C8orf34: variants seen among roughly 807,000 people sequenced by gnomAD.
The protein encoded by C8orf34 is uncharacterized protein C8orf34.
A neutral mutation model predicts 68.3 loss-of-function variants in C8orf34; 65 were observed. That is an observed-to-expected ratio of 0.95 (90% CI 0.78 to 1.17). C8orf34 has a LOEUF of 1.17. C8orf34 is among the 50% of genes most tolerant of loss of function. The pLI is 0.00. For missense variants in C8orf34, 664 were observed against 655.4 expected (o/e 1.01, Z -0.14); for synonymous variants, 244 against 241.2 (o/e 1.01, Z -0.11).
At chr8:68,381,933 T>G (rs1486115983) in intron 1 of C8orf34, among the ~76,000 whole-genome samples, 2 of 152,266 alleles carry the variant, frequency 1.3e-5, no homozygotes, top group African/African-American at 4.8e-5. Flanking sequence ...GTTAACATTT[T>G]GATACATATT....
intron 8 of C8orf34, among the ~76,000 whole-genome samples, chr8:68,664,768 G>A (rs1288281626): frequency 6.6e-6 from 1 of 152,132 alleles, no homozygotes; most frequent in Non-Finnish European, 1.5e-5. Context: ...CAGCAAGTCT[G>A]GCTGCATTCA....
At chr8:68,418,463 C>T (rs1432929983) in intron 1 of C8orf34, among the ~76,000 whole-genome samples, 7 of 151,946 alleles carry the variant, frequency 4.6e-5, no homozygotes, top group East Asian at 1.9e-4. Flanking sequence ...TTTTGAAATA[C>T]GTCCCATCAA....
chr8:68,762,754 G>A (rs544309801), intron 10 of C8orf34, among the ~76,000 whole-genome samples: 1 of 152,224 alleles, frequency 6.6e-6, no homozygotes, highest in South Asian at 2.1e-4. Context: ...GCCTTCTCAG[G>A]GTCTCAAAGT....
At position 68,752,987 on chromosome 8, in the gene C8orf34, G is replaced by A. The variant is rs1000808072; in HGVS notation, c.1405-23412G>A. On this transcript the variant is annotated intron_variant, in intron 10 of 13. Coordinates refer to ENST00000518698, the MANE Select transcript of C8orf34 (RefSeq NM_052958.4). ...TTGTAGGTAGGTCTTTTTGAGAATC[G>A]TATGGTTCTAATTTCCTCCCAATCC... Among the ~76,000 whole-genome samples the A allele has an allele frequency of 3.3e-5, 5 of 152,108 alleles. No homozygotes were observed. The South Asian group carries it at 6.2e-4, about 19-fold the overall frequency.
chr8:68,499,672 A>T (rs1813681871), intron 5 of C8orf34, among the ~76,000 whole-genome samples: 1 of 152,212 alleles, frequency 6.6e-6, no homozygotes, highest in Non-Finnish European at 1.5e-5. Context: ...TCCCCAGAAG[A>T]TACTTGTTAA....
In C8orf34 at chr8:68,453,320, G is replaced by A. The variant is rs1007861978; in HGVS notation, c.607+6860G>A. 2.0e-4 allele frequency among the ~76,000 whole-genome samples: 30 copies of A among 151,942 alleles called. 1 individual carries two copies. Among genetic ancestry groups the A allele is most frequent in the African/African-American group, 6.0e-4 (25 of 41,412 alleles). On this transcript the variant is annotated intron_variant, in intron 3 of 13. Coordinates refer to ENST00000518698, the MANE Select transcript of C8orf34 (RefSeq NM_052958.4). Reference sequence around the variant, plus strand: ...TTGTTTAAAATATTTCTGCATAAAGGCCATTTGGATTTTCTTAGGAAATGC... The same window carrying A: ...TTGTTTAAAATATTTCTGCATAAAGACCATTTGGATTTTCTTAGGAAATGC...
intron 1 of C8orf34, among the ~76,000 whole-genome samples, chr8:68,384,971 A>G (rs2129620365): frequency 6.6e-6 from 1 of 152,356 alleles, no homozygotes; most frequent in African/African-American, 2.4e-5. Flanking sequence ...TTCTTGATTA[A>G]GAAGAAGCTG....
At chr8:68,766,225 A>G (rs1276484751) in intron 10 of C8orf34, among the ~76,000 whole-genome samples, 1 of 152,230 alleles carries the variant, frequency 6.6e-6, no homozygotes, top group Admixed American at 6.5e-5. Flanking sequence ...ATTGGGTATC[A>G]GTTTTTTTTC....
At chr8:68,523,320 A>T (rs184388504) in intron 6 of C8orf34, among the ~76,000 whole-genome samples, 64 of 152,238 alleles carry the variant, frequency 4.2e-4, no homozygotes, top group Admixed American at 3.4e-3. Context: ...TTGTACTTTC[A>T]TTTAGTCATA....
chr8:68,485,724 AAAATAAAT>A (rs1554561963), intron 4 of C8orf34, among the ~76,000 whole-genome samples: 173 of 147,286 alleles, frequency 1.2e-3, no homozygotes, highest in African/African-American at 3.7e-3. Flanking sequence ...AAAAAAATAA[AAAATAAAT>A]AAATAAATAA....
chr8:68,654,811 T>G lies in C8orf34; in HGVS notation c.1241+14300T>G, dbSNP rs145251602. ...ACTTGAAGTTTTGCCTGAAAAATTCTTTTGACTGCTAGGTCAAAAGCCATT... is the reference window on the plus strand; with the variant it reads ...ACTTGAAGTTTTGCCTGAAAAATTCGTTTGACTGCTAGGTCAAAAGCCATT... On this transcript the variant is annotated intron_variant, in intron 8 of 13. Coordinates refer to ENST00000518698, the MANE Select transcript of C8orf34 (RefSeq NM_052958.4). Among the ~76,000 whole-genome samples the G allele has an allele frequency of 4.7e-3, 720 of 152,306 alleles. 7 individuals carry two copies. Among genetic ancestry groups the G allele is most frequent in the Middle Eastern group, 0.01 (3 of 292 alleles).
At chr8:68,350,023 T>C (rs1230564323) in intron 1 of C8orf34, among the ~76,000 whole-genome samples, 1 of 151,890 alleles carries the variant, frequency 6.6e-6, no homozygotes, top group African/African-American at 2.4e-5. Context: ...GGTTGACTTG[T>C]TCTTGCTTCT....
chr8:68,577,922 GTGGCTCTC>G (rs1203258275), intron 7 of C8orf34, among the ~76,000 whole-genome samples: 3 of 151,758 alleles, frequency 2.0e-5, no homozygotes, highest in Non-Finnish European at 4.4e-5. Context: ...AATGTGAACA[GTGGCTCTC>G]TCATGAGACT....
At chr8:68,727,666 C>T (rs1821871456) in intron 10 of C8orf34, among the ~76,000 whole-genome samples, 2 of 152,232 alleles carry the variant, frequency 1.3e-5, no homozygotes, top group African/African-American at 2.4e-5. Context: ...GTTCCCAAAC[C>T]TCAATTCTTG....
chr8:68,612,723 A>G (rs1818059736), intron 7 of C8orf34, among the ~76,000 whole-genome samples: 1 of 152,166 alleles, frequency 6.6e-6, no homozygotes, highest in Admixed American at 6.6e-5. Context: ...CAATGAAAAC[A>G]TGGACATATA....
At chr8:68,625,109 G>C (rs913351246) in intron 7 of C8orf34, among the ~76,000 whole-genome samples, 6 of 152,130 alleles carry the variant, frequency 3.9e-5, no homozygotes, top group Non-Finnish European at 8.8e-5. Flanking sequence ...AGATCTCTTA[G>C]AAGGTGAACT....
Position 68,528,647 on chromosome 8 carries a change from C to T in C8orf34, c.939-4336C>T, listed in dbSNP as rs534546745. ...ACACTGGCCAGTATCACTGAATTCACGACCACCAAACTCCAGGGGCACACT... is the reference window on the plus strand; with the variant it reads ...ACACTGGCCAGTATCACTGAATTCATGACCACCAAACTCCAGGGGCACACT... On this transcript the variant is annotated intron_variant, in intron 6 of 13. Transcript: ENST00000518698. Among the ~76,000 whole-genome samples the T allele has an allele frequency of 2.8e-4, 43 of 152,306 alleles. No individual in the cohort carries two copies. In the South Asian group the frequency reaches 7.0e-3, roughly 25 times the overall value.
chr8:68,669,409 T>C (rs1320700680), intron 8 of C8orf34, among the ~76,000 whole-genome samples: 1 of 152,200 alleles, frequency 6.6e-6, no homozygotes, highest in Non-Finnish European at 1.5e-5. Context: ...AGGAATGAGC[T>C]CTCACTTGAT....
At chr8:68,533,511 G>A in intron 7 of C8orf34, 1 of 991,046 alleles carries the variant, frequency 1.0e-6, no homozygotes, top group Middle Eastern at 5.2e-4. Flanking sequence ...TATACCCAAA[G>A]TACATATTTC....
Sources: allele counts gnomAD v4.1 joint callset (sites outside exome capture counted in the v4.1 genomes callset), GRCh38; gene constraint gnomAD v4.1.1; transcripts MANE v1.5; gene names NCBI Gene and HGNC (gene_info 2026-07-23, HGNC 2026-07-21).